Variants in SLC7A8 observed in about 807,000 individuals in gnomAD.
The protein encoded by SLC7A8 is large neutral amino acids transporter small subunit 2.
Under a neutral mutation model 51.2 loss-of-function variants are expected in SLC7A8, and 30 were observed. That is an observed-to-expected ratio of 0.59 (90% CI 0.44 to 0.80). The LOEUF is 0.80. SLC7A8 is among the 30% of genes least tolerant of loss of function. The pLI is 0.00. For synonymous variants in SLC7A8, 257 were observed against 275.8 expected (o/e 0.93, Z 0.67); for missense variants, 612 against 674.4 (o/e 0.91, Z 1.03).
chr14:23,127,313 C>T lies in SLC7A8; in HGVS notation c.1472G>A (p.Cys491Tyr), dbSNP rs140596505. 263 of 1,614,114 alleles carry T rather than the reference C, an allele frequency of 1.6e-4. No individual in the cohort carries two copies. The African/African-American group carries it at 3.3e-3, about 20-fold the overall frequency. Residue 491 changes from cysteine (C) to tyrosine (Y), a missense_variant, in exon 11 of 11, where the codon TGT becomes TAT. Cys to Tyr is a radical substitution (Grantham distance 194, BLOSUM62 -2). Coordinates refer to ENST00000316902, the MANE Select transcript of SLC7A8 (RefSeq NM_012244.4). ...CTCCACCTCGGGGTACACGACCACA[C>T]ACATCTTCTGGCTCACCAGGGTTAG... ...ELLTLVSQKM[C>Y]VVVYPEVERG...
rs2048584221 is a variant in SLC7A8, at chr14:23,127,100, C to A, written c.*77G>T. 1.3e-6 allele frequency: 2 copies of A among 1,551,658 alleles called. No individual in the cohort carries two copies. The highest frequency in any genetic ancestry group is 2.7e-5 in the African/African-American group (2 of 73,792). ...AGAGAGAGGGGTGTGTGTGTACTCG[C>A]ATGTGTTGGCAGGACCAAGGCAGGG... On this transcript the variant is annotated 3_prime_UTR_variant, in exon 11 of 11. Transcript: ENST00000316902.
Position 23,139,497 on chromosome 14 carries a change from T to C in SLC7A8, c.839A>G (p.Tyr280Cys). The change falls in exon 6 of 11, where the codon TAT (tyrosine) becomes TGT (cysteine). Residue 280 changes from tyrosine (Y) to cysteine (C), a missense_variant. Coordinates refer to ENST00000316902, the MANE Select transcript of SLC7A8 (RefSeq NM_012244.4). Reference sequence around the variant, plus strand: ...GACATAAGCGACATTGGCAAAGACATACACAAATGTGACCAGTGGGATGGA... The same window carrying C: ...GACATAAGCGACATTGGCAAAGACACACACAAATGTGACCAGTGGGATGGA... ...FISIPLVTFV[Y>C]VFANVAYVTA... 1 of 1,614,110 alleles carries C rather than the reference T, an allele frequency of 6.2e-7. No individual in the cohort carries two copies. The highest frequency in any genetic ancestry group is 8.5e-7 in the Non-Finnish European group (1 of 1,179,998).
chr14:23,154,435 G>A lies in SLC7A8; in HGVS notation c.508+10850C>T, dbSNP rs1566367352. The stretch of plus-strand genomic sequence containing the variant: ...GGGCAGGGAAGCCGGGCCTGTGGGG[G>A]CGTGGGTGTGGCTACGCTCGGCTCT... On this transcript the variant is annotated intron_variant, in intron 3 of 10. Coordinates refer to ENST00000316902, the MANE Select transcript of SLC7A8 (RefSeq NM_012244.4). 6.1e-6 allele frequency: 6 copies of A among 989,794 alleles called. No homozygotes were observed. In the South Asian group the frequency reaches 2.3e-4, roughly 39 times the overall value. The allele number at this position is 989,794 out of a possible 1,614,324, so 61.3% of individuals were successfully genotyped here.
At position 23,128,501 on chromosome 14, in the gene SLC7A8, T is replaced by G; in HGVS notation, c.1264-305A>C. ...ACAAGGCCTCATCATGCATGCCATG[T>G]GCCCGTGGCAGCCAGAGAAGCCCAC... On this transcript the variant is annotated intron_variant, in intron 9 of 10. Transcript: ENST00000316902. This position sits in a 1 kb window ranked among gnomAD's most constrained non-coding sequence, Gnocchi z 4.3. 2 of 723,130 alleles carry G rather than the reference T, an allele frequency of 2.8e-6. No homozygotes were observed. Among genetic ancestry groups the G allele is most frequent in the Non-Finnish European group, 4.3e-6 (2 of 468,516 alleles). The allele number at this position is 723,130 out of a possible 1,614,324, so 44.8% of individuals were successfully genotyped here. A position where few individuals can be genotyped will look rare whatever the true frequency, so the allele number is the denominator to read the frequency against.
intron 1 of SLC7A8, among the ~76,000 whole-genome samples, chr14:23,166,922 G>A (rs1057085051): frequency 1.3e-5 from 2 of 152,150 alleles, no homozygotes; most frequent in African/African-American, 4.8e-5. Flanking sequence ...CCAGCTGAGC[G>A]ACACGTGGTC....
chr14:23,132,856 G>A (rs184748300), intron 7 of SLC7A8, among the ~76,000 whole-genome samples: 270 of 151,834 alleles, frequency 1.8e-3, no homozygotes, highest in African/African-American at 6.3e-3. Flanking sequence ...GGCTGGTCTC[G>A]AACTCCCGAC....
chr14:23,127,965 A>C (rs989845472), intron 10 of SLC7A8, 54 bp downstream of exon 10: 2 of 1,533,196 alleles, frequency 1.3e-6, no homozygotes, highest in African/African-American at 2.7e-5. Context: ...ATCACTGACC[A>C]CTGCATTCCA....
Position 23,137,820 on chromosome 14 carries a change from CCACA to C in SLC7A8, c.1016+97_1016+100del, listed in dbSNP as rs2048704492. The C allele has an allele frequency of 9.6e-6, 14 of 1,452,140 alleles. No homozygotes were observed. The South Asian group carries it at 1.7e-4, about 18-fold the overall frequency. 90.0% of individuals were successfully genotyped at this position (1,452,140 alleles called of 1,614,324 possible). On this transcript the variant is annotated intron_variant, in intron 7 of 10. Transcript: ENST00000316902. ...CTCTGCAAGCCCAACATCCAGATGC[CCACA>C]CAGACCCCTGCTGACAGAGACAAGC...
chr14:23,144,597 G>A (rs2048774898), intron 3 of SLC7A8, among the ~76,000 whole-genome samples: 1 of 152,028 alleles, frequency 6.6e-6, no homozygotes, highest in Non-Finnish European at 1.5e-5. Context: ...ATTCTTATAT[G>A]GTACTTCTAC....
chr14:23,159,455 C>T (rs920194727), intron 3 of SLC7A8, among the ~76,000 whole-genome samples: 11 of 152,142 alleles, frequency 7.2e-5, no homozygotes, highest in East Asian at 1.9e-4. Flanking sequence ...TTCATATAAA[C>T]GAGGCTGATC....
chr14:23,136,727 A>G (rs1452279247), intron 7 of SLC7A8, among the ~76,000 whole-genome samples: 2 of 152,202 alleles, frequency 1.3e-5, no homozygotes, highest in African/African-American at 4.8e-5. Context: ...GACCGCTGCT[A>G]GGCCTGCCTG....
chr14:23,149,438 G>A (rs558150402), intron 3 of SLC7A8, among the ~76,000 whole-genome samples: 2 of 152,238 alleles, frequency 1.3e-5, no homozygotes, highest in South Asian at 2.1e-4. Flanking sequence ...CTTGCAAGGC[G>A]AGTGGAGTGC....
At position 23,183,096 on chromosome 14, in the gene SLC7A8, A is replaced by C. The variant is rs73600433; in HGVS notation, c.-182T>G. 26,798 of 272,952 alleles carry C rather than the reference A, an allele frequency of 0.098. 1,068 individuals are homozygous for C. Among genetic ancestry groups the C allele is most frequent in the Middle Eastern group, 0.2 (158 of 798 alleles). 16.9% of individuals were successfully genotyped at this position (272,952 alleles called of 1,614,324 possible). A position where few individuals can be genotyped will look rare whatever the true frequency, so the allele number is the denominator to read the frequency against. The stretch of plus-strand genomic sequence containing the variant: ...AAAAATATTCCTACTCCGCATTCAC[A>C]CTTTCTGGTCACTCGCGTTTACAAA... On this transcript the variant is annotated 5_prime_UTR_variant, in exon 1 of 11. Coordinates refer to ENST00000316902, the MANE Select transcript of SLC7A8 (RefSeq NM_012244.4).
intron 3 of SLC7A8, among the ~76,000 whole-genome samples, chr14:23,147,590 C>T (rs552564558): frequency 3.3e-5 from 5 of 152,260 alleles, no homozygotes; most frequent in Non-Finnish European, 7.4e-5. Flanking sequence ...AACCTAGTTG[C>T]GGGAGTGGTT....
Position 23,155,404 on chromosome 14 carries a change from A to T in SLC7A8, c.508+9881T>A, listed in dbSNP as rs954629529. On this transcript the variant is annotated intron_variant, in intron 3 of 10. Coordinates refer to ENST00000316902, the MANE Select transcript of SLC7A8 (RefSeq NM_012244.4). ...TGGCTCTCTCTTCCCCTTCCTTCTTATCCTGTTAGCTCCTGCGCCAGCTGC... is the reference window on the plus strand; with the variant it reads ...TGGCTCTCTCTTCCCCTTCCTTCTTTTCCTGTTAGCTCCTGCGCCAGCTGC... 2.7e-6 allele frequency: 4 copies of T among 1,468,648 alleles called. No individual in the cohort carries two copies. The African/African-American group carries it at 5.7e-5, about 21-fold the overall frequency. The allele number at this position is 1,468,648 out of a possible 1,614,324, so 91.0% of individuals were successfully genotyped here.
chr14:23,173,315 G>C (rs981099370), intron 1 of SLC7A8, among the ~76,000 whole-genome samples: 17 of 152,218 alleles, frequency 1.1e-4, no homozygotes, highest in African/African-American at 4.1e-4. Context: ...ACTGGCATGG[G>C]CTGTTCAGAA....
At position 23,175,641 on chromosome 14, in the gene SLC7A8, G is replaced by A. The variant is rs116098201; in HGVS notation, c.151+7123C>T. On this transcript the variant is annotated intron_variant, in intron 1 of 10. Coordinates refer to ENST00000316902, the MANE Select transcript of SLC7A8 (RefSeq NM_012244.4). ...ATCTCCTGCTAGTCAGTCATTCTGC[G>A]TAACTCTGCTCTTTGAGGGAATGTA... 4.1e-3 allele frequency among the ~76,000 whole-genome samples: 620 copies of A among 152,280 alleles called. 4 individuals are homozygous for A. Among genetic ancestry groups the A allele is most frequent in the African/African-American group, 0.014 (590 of 41,558 alleles).
chr14:23,144,405 T>C (rs1053956239), intron 3 of SLC7A8, among the ~76,000 whole-genome samples: 1 of 151,706 alleles, frequency 6.6e-6, no homozygotes, highest in African/African-American at 2.4e-5. Context: ...GGTTTTGATT[T>C]GCATTTCCCT....
Position 23,126,895 on chromosome 14 carries a change from T to C in SLC7A8, c.*282A>G. 1 of 467,826 alleles carries C rather than the reference T, an allele frequency of 2.1e-6. No homozygotes were observed. Among genetic ancestry groups the C allele is most frequent in the South Asian group, 2.8e-5 (1 of 36,026 alleles). 29.0% of individuals were successfully genotyped at this position (467,826 alleles called of 1,614,324 possible). On this transcript the variant is annotated 3_prime_UTR_variant, in exon 11 of 11. Coordinates refer to ENST00000316902, the MANE Select transcript of SLC7A8 (RefSeq NM_012244.4). The stretch of plus-strand genomic sequence containing the variant: ...GCTGAGGGTGTGGCCCGGAGGGAGG[T>C]CCTGCAGGGCACCTTGGCATCTCCC...
Sources: allele counts gnomAD v4.1 joint callset (sites outside exome capture counted in the v4.1 genomes callset), GRCh38; gene constraint gnomAD v4.1.1; non-coding constraint Gnocchi (gnomAD v3.1); transcripts MANE v1.5; gene names NCBI Gene and HGNC (gene_info 2026-07-23, HGNC 2026-07-21).